The following NEK10 variants were observed in gnomAD, a reference collection of about 807,000 sequenced individuals.
NEK10 encodes the protein serine/threonine-protein kinase Nek10.
NEK10 carries 122 observed loss-of-function variants against 159.8 expected under a neutral mutation model. The ratio of observed to expected loss-of-function variants is 0.76; its 90% confidence interval spans 0.66 to 0.89. The LOEUF (loss-of-function observed/expected upper bound fraction) is 0.89. NEK10 is among the 40% of genes least tolerant of loss of function. The probability of loss-of-function intolerance (pLI) is 0.00; values close to 1 mark genes in which losing one functional copy is unlikely to be tolerated. For synonymous variants in NEK10, 466 were observed against 457.1 expected (o/e 1.02, Z -0.25); for missense variants, 1,342 against 1,323.1 (o/e 1.01, Z -0.22).
At chr3:27,144,541 C>T (rs752340480) in intron 30 of NEK10, among the ~76,000 whole-genome samples, 4 of 152,158 alleles carry the variant, frequency 2.6e-5, no homozygotes, top group Non-Finnish European at 5.9e-5. Context: ...TTTTTCTACA[C>T]CTCGGTCAAC....
intron 23 of NEK10, chr3:27,206,623 T>C: frequency 2.0e-6 from 2 of 985,362 alleles, no homozygotes; most frequent in South Asian, 4.7e-5. Flanking sequence ...TGAAACCATA[T>C]GCTGGTAACT....
At chr3:27,273,326 C>T (rs1250930494) in intron 22 of NEK10, among the ~76,000 whole-genome samples, 4 of 152,120 alleles carry the variant, frequency 2.6e-5, no homozygotes, top group African/African-American at 4.8e-5. Context: ...ATGTCTTTTT[C>T]GTTACCTGAA....
chr3:27,298,977 T>C (rs1156850842), intron 13 of NEK10, among the ~76,000 whole-genome samples: 1 of 152,150 alleles, frequency 6.6e-6, no homozygotes, highest in African/African-American at 2.4e-5. Flanking sequence ...TTTGGAAAAT[T>C]TGCCATCTGA....
intron 26 of NEK10, among the ~76,000 whole-genome samples, chr3:27,190,136 T>C (rs1948982189): frequency 6.6e-6 from 1 of 152,194 alleles, no homozygotes; most frequent in Non-Finnish European, 1.5e-5. Flanking sequence ...TTAACTCATT[T>C]ATCCTAGTAC....
At chr3:27,307,791 AAAT>A (rs1469948206) in intron 11 of NEK10, 65 bp downstream of exon 11, 4 of 785,728 alleles carry the variant, frequency 5.1e-6, no homozygotes, top group Non-Finnish European at 9.1e-6. Context: ...GACGTAATAA[AAAT>A]AATAACAAGT....
At chr3:27,204,285 T>TG (rs1451398245) in intron 23 of NEK10, among the ~76,000 whole-genome samples, 1 of 121,406 alleles carries the variant, frequency 8.2e-6, no homozygotes, top group Non-Finnish European at 1.7e-5. Context: ...CTTTTTTTTT[T>TG]TTTTTTTTTG....
chr3:27,312,170 T>C lies in NEK10; in HGVS notation c.497A>G (p.Glu166Gly). ...GGIENLAQYM[E>G]IVANEYLGYG... ...GCCGAGGTACTCATTGGCTACAATC[T>C]CCATATACTGCATGAAGGACCAAAC... The change falls in exon 8 of 36, where the codon GAG (glutamate) becomes GGG (glycine). Residue 166 changes from glutamate to glycine, a missense_variant. Transcript: ENST00000691995. 3.7e-6 allele frequency: 6 copies of C among 1,604,396 alleles called. No homozygotes were observed. Among genetic ancestry groups the C allele is most frequent in the Non-Finnish European group, 5.1e-6 (6 of 1,174,722 alleles).
rs1189339966 is a variant in NEK10 at position 27,174,789 on chromosome 3, T to A, written c.2550A>T (p.Ala850=). ...CTGAAAGTTCACTTTTCAGGCTGGC[T>A]GCTCCACTGCTGCTGCTACTCAAAC... ...KASLSSSSSG[A]ASLKSELSES... The change falls in exon 27 of 36, where the codon GCA becomes GCT. Residue 850 remains alanine (A), a synonymous_variant. Coordinates refer to ENST00000691995, the MANE Select transcript of NEK10 (RefSeq NM_001394966.1). The A allele has an allele frequency of 3.1e-6, 5 of 1,609,596 alleles. No homozygotes were observed. The highest frequency in any genetic ancestry group is 4.2e-6 in the Non-Finnish European group (5 of 1,178,620).
intron 1 of NEK10, among the ~76,000 whole-genome samples, chr3:27,359,590 A>C (rs2048542163): frequency 6.6e-6 from 1 of 152,216 alleles, no homozygotes; most frequent in African/African-American, 2.4e-5. Flanking sequence ...TCTTTGAGAA[A>C]AGTAGTTAAA....
chr3:27,208,156 C>G (rs1950682210), intron 23 of NEK10, among the ~76,000 whole-genome samples: 1 of 151,846 alleles, frequency 6.6e-6, no homozygotes, highest in African/African-American at 2.4e-5. Context: ...AAAACCATCA[C>G]TATGGTACGA....
chr3:27,190,222 C>A (rs1485969073), intron 26 of NEK10, among the ~76,000 whole-genome samples: 1 of 152,124 alleles, frequency 6.6e-6, no homozygotes, highest in Non-Finnish European at 1.5e-5. Flanking sequence ...AAAATCCCTC[C>A]CTTGGTTTCA....
In NEK10 at chr3:27,301,840, A is replaced by C; in HGVS notation, c.1029-5T>G. 5.8e-6 allele frequency: 9 copies of C among 1,549,970 alleles called. No individual in the cohort carries two copies. The highest frequency in any genetic ancestry group is 7.9e-6 in the Non-Finnish European group (9 of 1,145,388). ...TCAGAAACAAAATTTCTGTCTCTGAAAAAGAAAAGTTAATGCATAGACCAT... is the reference window on the plus strand; with the variant it reads ...TCAGAAACAAAATTTCTGTCTCTGACAAAGAAAAGTTAATGCATAGACCAT... On this transcript the variant is annotated splice_region_variant and splice_polypyrimidine_tract_variant and intron_variant, in intron 12 of 35. Coordinates refer to ENST00000691995, the MANE Select transcript of NEK10 (RefSeq NM_001394966.1).
chr3:27,201,196 T>A lies in NEK10; in HGVS notation c.2291+314A>T, dbSNP rs376755565. ...CAATTTTTTGCATATTTTTATGAGGTTTGTCATGGTTACAAACAGCTTTAC... is the reference window on the plus strand; with the variant it reads ...CAATTTTTTGCATATTTTTATGAGGATTGTCATGGTTACAAACAGCTTTAC... On this transcript the variant is annotated intron_variant, in intron 25 of 35. Transcript: ENST00000691995. Among the ~76,000 whole-genome samples the A allele has an allele frequency of 6.3e-4, 96 of 152,258 alleles. No individual in the cohort carries two copies. In the East Asian group the frequency reaches 0.012, roughly 20 times the overall value.
At chr3:27,178,134 C>T (rs570125251) in intron 26 of NEK10, among the ~76,000 whole-genome samples, 31 of 152,256 alleles carry the variant, frequency 2.0e-4, no homozygotes, top group Middle Eastern at 3.4e-3. Flanking sequence ...CCTGTCACCA[C>T]GCTAGTATTG....
chr3:27,328,220 C>T (rs1054885092), intron 5 of NEK10, among the ~76,000 whole-genome samples: 4 of 152,122 alleles, frequency 2.6e-5, no homozygotes, highest in Non-Finnish European at 5.9e-5. Context: ...CTGTGATCAG[C>T]CAAGTACTGT....
intron 6 of NEK10, among the ~76,000 whole-genome samples, chr3:27,318,584 G>T (rs1395600125): frequency 6.6e-6 from 1 of 152,244 alleles, no homozygotes; most frequent in African/African-American, 2.4e-5. Flanking sequence ...GATGTCATGA[G>T]ATGTTGTGTA....
At chr3:27,135,692 G>A (rs550053560) in intron 31 of NEK10, among the ~76,000 whole-genome samples, 3 of 152,296 alleles carry the variant, frequency 2.0e-5, no homozygotes, top group East Asian at 3.9e-4. Flanking sequence ...TGACATTACT[G>A]CATAAGAGGA....
intron 28 of NEK10, among the ~76,000 whole-genome samples, chr3:27,173,907 A>G (rs989074353): frequency 2.6e-4 from 39 of 152,090 alleles, no homozygotes; most frequent in African/African-American, 8.9e-4. Context: ...CAGTATGACT[A>G]TTTTCTTTAC....
At chr3:27,207,526 T>C (rs545611573) in intron 23 of NEK10, among the ~76,000 whole-genome samples, 1 of 152,262 alleles carries the variant, frequency 6.6e-6, no homozygotes, top group East Asian at 1.9e-4. Flanking sequence ...GCTAAATTGT[T>C]TGAAGACTAT....
Sources: gnomAD v4.1 joint callset for allele counts (sites outside exome capture counted in the v4.1 genomes callset) on GRCh38, gnomAD v4.1.1 for gene constraint, MANE v1.5 for transcripts, NCBI Gene and HGNC (gene_info 2026-07-23, HGNC 2026-07-21) for gene names.